APCDD1: variants seen among roughly 807,000 people sequenced by gnomAD.
APCDD1 encodes protein APCDD1.
A neutral mutation model predicts 38.1 loss-of-function variants in APCDD1; 15 were observed. The observed-to-expected ratio is 0.39, with a 90% CI of 0.26 to 0.61. APCDD1 has a LOEUF of 0.61. Among genes scored for constraint, APCDD1 ranks in the 20% least tolerant of loss-of-function variants. APCDD1 has a pLI of 0.49. For missense variants in APCDD1, 647 were observed against 696.2 expected (o/e 0.93, Z 0.79); for synonymous variants, 261 against 279.7 (o/e 0.93, Z 0.67).
intron 4 of APCDD1, among the ~76,000 whole-genome samples, chr18:10,487,377 C>CGGTGTGACTGCCACCCAGATCAACA (rs1598401497): frequency 1.3e-5 from 2 of 152,312 alleles, no homozygotes; most frequent in South Asian, 4.1e-4. Flanking sequence ...TGCAGCATAT[C>CGGTGTGACTGCCACCCAGATCAACA]GGTGTGACTG....
intron 3 of APCDD1, among the ~76,000 whole-genome samples, chr18:10,478,651 C>T (rs1023143425): frequency 2.0e-5 from 3 of 152,178 alleles, no homozygotes; most frequent in Non-Finnish European, 4.4e-5. Flanking sequence ...ATGACCTAGT[C>T]ACCCCCCACA....
At chr18:10,482,478 C>T (rs972614269) in intron 3 of APCDD1, among the ~76,000 whole-genome samples, 2 of 152,186 alleles carry the variant, frequency 1.3e-5, no homozygotes, top group Non-Finnish European at 2.9e-5. Context: ...GATCTGACTC[C>T]GCGCTTCTTG....
chr18:10,487,770 A>G lies in APCDD1; in HGVS notation c.1277A>G (p.Lys426Arg), dbSNP rs377642958. 3 of 1,614,022 alleles carry G rather than the reference A, an allele frequency of 1.9e-6. No individual in the cohort carries two copies. The African/African-American group carries it at 4.0e-5, about 22-fold the overall frequency. The change falls in exon 5 of 5, where the codon AAA becomes AGA. Residue 426 changes from lysine to arginine, a missense_variant. By Grantham distance (26) the Lys-to-Arg change is conservative. Transcript: ENST00000355285. The stretch of plus-strand genomic sequence containing the variant: ...CCTCACACGGAGTACGAGATCTTCA[A>G]AATGGAACAGGATGCCCGGGGGCGC... ...KLPHTEYEIF[K>R]MEQDARGRYL...
intron 3 of APCDD1, among the ~76,000 whole-genome samples, chr18:10,482,888 C>A (rs1025005381): frequency 2.6e-5 from 4 of 152,178 alleles, no homozygotes; most frequent in Non-Finnish European, 5.9e-5. Flanking sequence ...GCAAAGCTAC[C>A]GTACTCAGTG....
At chr18:10,462,086 C>T (rs1009975821) in intron 1 of APCDD1, among the ~76,000 whole-genome samples, 4 of 152,172 alleles carry the variant, frequency 2.6e-5, no homozygotes, top group Non-Finnish European at 5.9e-5. Context: ...ACTTGGCATA[C>T]AATGGCAGAA....
Position 10,455,127 on chromosome 18 carries a change from G to A in APCDD1, c.58+88G>A, listed in dbSNP as rs928231986. The stretch of plus-strand genomic sequence containing the variant: ...CCCGCGGAGGCGTCGGGTCTGGATC[G>A]CGGCACGGCCTACACTGTCCCCTTG... On this transcript the variant is annotated intron_variant, in intron 1 of 4. Transcript: ENST00000355285. 45 of 1,532,922 alleles carry A rather than the reference G, an allele frequency of 2.9e-5. 1 individual carries two copies. Among genetic ancestry groups the A allele is most frequent in the Non-Finnish European group, 3.9e-5 (44 of 1,139,074 alleles). The allele number at this position is 1,532,922 out of a possible 1,614,324, so 95.0% of individuals were successfully genotyped here. A position where few individuals can be genotyped will look rare whatever the true frequency, so the allele number is the denominator to read the frequency against.
At chr18:10,455,505 A>G (rs1472562929) in intron 1 of APCDD1, among the ~76,000 whole-genome samples, 1 of 152,252 alleles carries the variant, frequency 6.6e-6, no homozygotes, top group African/African-American at 2.4e-5. Flanking sequence ...CATTTGGGAA[A>G]GACACGTCTG....
intron 1 of APCDD1, among the ~76,000 whole-genome samples, chr18:10,457,831 G>T (rs944510968): frequency 6.6e-6 from 1 of 152,140 alleles, no homozygotes; most frequent in Non-Finnish European, 1.5e-5. Context: ...AGTAAATGAG[G>T]CTCTGGCAAG....
intron 3 of APCDD1, among the ~76,000 whole-genome samples, chr18:10,479,896 A>G (rs1422297669): frequency 1.3e-5 from 2 of 152,210 alleles, no homozygotes; most frequent in Non-Finnish European, 2.9e-5. Context: ...AACATTGCTC[A>G]TTTATAAAGT....
intron 3 of APCDD1, chr18:10,477,868 C>G (rs1303211301): frequency 4.6e-5 from 7 of 152,288 alleles, no homozygotes; most frequent in Admixed American, 3.9e-4. Context: ...AATAAAAATT[C>G]TTTTCGGAAA....
rs1471829715 is a variant in APCDD1, at chr18:10,471,946, A to C, written c.659A>C (p.His220Pro). ...QLIRVEKQYLHHNLDHLVEEL... is the reference protein window; with the variant it reads ...QLIRVEKQYLPHNLDHLVEEL... ...ATCCGGGTGGAGAAGCAGTACCTTC[A>C]CCACAACCTCGACCACCTGGTCGAG... Residue 220 changes from histidine (H) to proline (P), a missense_variant, in exon 3 of 5, where the codon CAC becomes CCC. His to Pro is a moderately conservative substitution (Grantham distance 77). Coordinates refer to ENST00000355285, the MANE Select transcript of APCDD1 (RefSeq NM_153000.5). The surrounding 1 kb of genome is among the most constrained non-coding windows in gnomAD (Gnocchi z 5.5). The C allele has an allele frequency of 6.2e-7, 1 of 1,613,952 alleles. No individual in the cohort carries two copies. Among genetic ancestry groups the C allele is most frequent in the African/African-American group, 1.3e-5 (1 of 74,916 alleles).
chr18:10,478,279 CT>C (rs2031053786), intron 3 of APCDD1, among the ~76,000 whole-genome samples: 1 of 152,260 alleles, frequency 6.6e-6, no homozygotes, highest in Admixed American at 6.5e-5. Context: ...CTGAGTACCC[CT>C]GGCACCACAG....
chr18:10,483,787 G>A (rs947920400), intron 3 of APCDD1, among the ~76,000 whole-genome samples: 2 of 152,238 alleles, frequency 1.3e-5, no homozygotes, highest in Admixed American at 1.3e-4. Context: ...AGAACACTGA[G>A]CTACCAACTT....
At chr18:10,455,484 G>A (rs1191360256) in intron 1 of APCDD1, among the ~76,000 whole-genome samples, 1 of 152,224 alleles carries the variant, frequency 6.6e-6, no homozygotes, top group East Asian at 1.9e-4. Context: ...AGAGTGGAAA[G>A]AGAAACTGAT....
At chr18:10,486,075 G>T (rs1391383344) in intron 4 of APCDD1, among the ~76,000 whole-genome samples, 1 of 152,220 alleles carries the variant, frequency 6.6e-6, no homozygotes, top group East Asian at 1.9e-4. Flanking sequence ...TCTCTGGCCA[G>T]GTGCGGAGGC....
chr18:10,455,924 T>C (rs1364407289), intron 1 of APCDD1, among the ~76,000 whole-genome samples: 1 of 152,046 alleles, frequency 6.6e-6, no homozygotes, highest in Non-Finnish European at 1.5e-5. Context: ...GAGCAAACTG[T>C]CCCTAATGGT....
Position 10,471,953 on chromosome 18 carries a change from C to A in APCDD1, c.666C>A (p.Asn222Lys). 6.2e-7 allele frequency: 1 copy of A among 1,614,106 alleles called. No homozygotes were observed. Among genetic ancestry groups the A allele is most frequent in the Non-Finnish European group, 8.5e-7 (1 of 1,180,044 alleles). ...IRVEKQYLHHNLDHLVEELFL... is the reference protein window; with the variant it reads ...IRVEKQYLHHKLDHLVEELFL... ...TGGAGAAGCAGTACCTTCACCACAA[C>A]CTCGACCACCTGGTCGAGGAGCTCT... The change falls in exon 3 of 5, where the codon AAC (asparagine) becomes AAA (lysine). Residue 222 changes from asparagine (N) to lysine (K), a missense_variant. By Grantham distance (94) the Asn-to-Lys change is moderately conservative (BLOSUM62 0). Transcript: ENST00000355285. The surrounding 1 kb of genome is among the most constrained non-coding windows in gnomAD (Gnocchi z 5.5).
chr18:10,467,683 A>G lies in APCDD1; in HGVS notation c.59-786A>G, dbSNP rs192389036. 6.6e-6 allele frequency among the ~76,000 whole-genome samples: 1 copy of G among 152,212 alleles called. No individual in the cohort carries two copies. The highest frequency in any genetic ancestry group is 1.5e-5 in the Non-Finnish European group (1 of 68,018). ...CATTATTCTTAATTTAAAGCCCTGT[A>G]TTGTATGTTTAGGTTATTTCTGGCC... is the stretch of plus-strand genomic sequence containing the variant. On this transcript the variant is annotated intron_variant, in intron 1 of 4. Coordinates refer to ENST00000355285, the MANE Select transcript of APCDD1 (RefSeq NM_153000.5). This position sits in a 1 kb window ranked among gnomAD's most constrained non-coding sequence, Gnocchi z 4.8.
intron 1 of APCDD1, among the ~76,000 whole-genome samples, chr18:10,460,254 G>A (rs2030499924): frequency 6.6e-6 from 1 of 152,200 alleles, no homozygotes; most frequent in Admixed American, 6.5e-5. Flanking sequence ...GGTGGCTCAC[G>A]CCTGTAATCC....
Sources: allele counts gnomAD v4.1 joint callset (sites outside exome capture counted in the v4.1 genomes callset), GRCh38; gene constraint gnomAD v4.1.1; non-coding constraint Gnocchi (gnomAD v3.1); transcripts MANE v1.5; gene names NCBI Gene and HGNC (gene_info 2026-07-23, HGNC 2026-07-21).